Variants in KSR1 observed in about 807,000 individuals in gnomAD.
KSR1 encodes the protein kinase suppressor of ras.
Under a neutral mutation model 92.9 loss-of-function variants are expected in KSR1, and 35 were observed. That is an observed-to-expected ratio of 0.38 (90% CI 0.29 to 0.50). The LOEUF is 0.50. KSR1 is among the 20% of genes least tolerant of loss of function. The pLI is 0.94. For synonymous variants in KSR1, 467 were observed against 472.6 expected (o/e 0.99, Z 0.15); for missense variants, 972 against 1,158.5 (o/e 0.84, Z 2.34).
chr17:27,545,822 G>T (rs570684052), intron 1 of KSR1, among the ~76,000 whole-genome samples: 33 of 152,356 alleles, frequency 2.2e-4, no homozygotes, highest in African/African-American at 6.0e-4. Flanking sequence ...CAGGCAGGTT[G>T]TGGGGAGGCT....
chr17:27,512,259 G>C (rs1018625832), intron 1 of KSR1, among the ~76,000 whole-genome samples: 1 of 152,180 alleles, frequency 6.6e-6, no homozygotes, highest in African/African-American at 2.4e-5. Context: ...TTATGATTTT[G>C]GCTTGGAAAA....
At position 27,563,817 on chromosome 17, in the gene KSR1, C is replaced by T. The variant is rs1407552012; in HGVS notation, c.372+13109C>T. 2.6e-5 allele frequency among the ~76,000 whole-genome samples: 4 copies of T among 152,144 alleles called. No individual in the cohort carries two copies. In the East Asian group the frequency reaches 7.7e-4, roughly 29 times the overall value. On this transcript the variant is annotated intron_variant, in intron 2 of 20. Coordinates refer to ENST00000644974, the MANE Select transcript of KSR1 (RefSeq NM_001394583.1). ...GGCTAGTGCCATCTCATCCTCTGAC[C>T]GGGACTTAGAGGTCAGCTCTTCAGA... is the stretch of plus-strand genomic sequence containing the variant.
chr17:27,594,494 C>T (rs897378799), intron 9 of KSR1, among the ~76,000 whole-genome samples: 9 of 152,106 alleles, frequency 5.9e-5, no homozygotes. Flanking sequence ...CAGCCCTCCT[C>T]ACAGCACTCT....
At chr17:27,598,783 G>C (rs540061291) in intron 10 of KSR1, among the ~76,000 whole-genome samples, 12 of 152,128 alleles carry the variant, frequency 7.9e-5, no homozygotes, top group African/African-American at 2.7e-4. Context: ...GGCCTTCATC[G>C]TCCCCTGCAC....
At chr17:27,478,387 T>C (rs1234485074) in intron 1 of KSR1, among the ~76,000 whole-genome samples, 1 of 152,162 alleles carries the variant, frequency 6.6e-6, no homozygotes, top group East Asian at 1.9e-4. Flanking sequence ...ATCTGAGGAA[T>C]GGGGACATAC....
rs2073731668 is a variant in KSR1 at position 27,605,786 on chromosome 17, A to T, written c.1967A>T (p.Asn656Ile). 1 of 1,611,482 alleles carries T rather than the reference A, an allele frequency of 6.2e-7. No individual in the cohort carries two copies. The highest frequency in any genetic ancestry group is 1.3e-5 in the African/African-American group (1 of 74,734). ...GTGCTCTTCATGGGGGCCTGCATGA[A>T]CCCGCCCCACCTGGCCATTATCACC... ...NVVLFMGACM[N>I]PPHLAIITSF... is the part of the protein sequence containing the mutation. Residue 656 changes from asparagine (N) to isoleucine (I), a missense_variant, in exon 14 of 21, where the codon AAC (asparagine) becomes ATC (isoleucine). Asn to Ile is a moderately radical substitution (Grantham distance 149). Coordinates refer to ENST00000644974, the MANE Select transcript of KSR1 (RefSeq NM_001394583.1).
chr17:27,609,872 G>T, intron 16 of KSR1, 195 bp from the exon 17 acceptor site: 1 of 574,770 alleles, frequency 1.7e-6, no homozygotes, highest in South Asian at 2.4e-5. Context: ...AGAAACAACC[G>T]GTCATGACTC....
At chr17:27,546,095 CA>C (rs1370966227) in intron 1 of KSR1, among the ~76,000 whole-genome samples, 3 of 152,180 alleles carry the variant, frequency 2.0e-5, no homozygotes, top group Non-Finnish European at 4.4e-5. Flanking sequence ...TGTCTCTGGT[CA>C]GCCCTTTGAA....
chr17:27,484,183 C>G (rs752082165), intron 1 of KSR1, among the ~76,000 whole-genome samples: 1 of 152,174 alleles, frequency 6.6e-6, no homozygotes, highest in African/African-American at 2.4e-5. Context: ...GCCCTTCCTT[C>G]GAGGAGGGTT....
chr17:27,461,864 C>T (rs2019462637), intron 1 of KSR1, among the ~76,000 whole-genome samples: 2 of 152,230 alleles, frequency 1.3e-5, no homozygotes, highest in South Asian at 2.1e-4. Flanking sequence ...TACTCCTGCC[C>T]GCTGGGTGTG....
intron 1 of KSR1, among the ~76,000 whole-genome samples, chr17:27,495,534 A>G (rs1246572538): frequency 1.3e-5 from 2 of 152,216 alleles, no homozygotes; most frequent in Admixed American, 6.5e-5. Context: ...ATCTGCCCCA[A>G]AGGTGGAGTT....
At chr17:27,535,484 A>G (rs2070722117) in intron 1 of KSR1, among the ~76,000 whole-genome samples, 1 of 152,180 alleles carries the variant, frequency 6.6e-6, no homozygotes, top group Non-Finnish European at 1.5e-5. Flanking sequence ...GAATTGTTAA[A>G]AGGGTGTGGA....
chr17:27,524,461 G>A (rs945585537), intron 1 of KSR1, among the ~76,000 whole-genome samples: 1 of 152,184 alleles, frequency 6.6e-6, no homozygotes, highest in Non-Finnish European at 1.5e-5. Flanking sequence ...AGAAAGATTT[G>A]AATGCAGGTT....
At chr17:27,581,029 A>G (rs1251622258) in intron 3 of KSR1, among the ~76,000 whole-genome samples, 1 of 152,090 alleles carries the variant, frequency 6.6e-6, no homozygotes, top group African/African-American at 2.4e-5. Flanking sequence ...TAATTTATAT[A>G]AAAAAGAGGT....
chr17:27,610,363 T>C (rs566137057), intron 17 of KSR1, among the ~76,000 whole-genome samples, 165 bp downstream of exon 17: 1 of 152,374 alleles, frequency 6.6e-6, no homozygotes, highest in Admixed American at 6.5e-5. Context: ...TGCATGGTCT[T>C]GAGTCCTGGC....
At chr17:27,534,856 T>C (rs1453861192) in intron 1 of KSR1, among the ~76,000 whole-genome samples, 1 of 152,216 alleles carries the variant, frequency 6.6e-6, no homozygotes, top group Non-Finnish European at 1.5e-5. Context: ...TATTCCTGGG[T>C]TTCAGGTCTG....
rs561284060 is a variant in KSR1, at chr17:27,601,215, G to A, written c.1469-145G>A. 46 of 664,246 alleles carry A rather than the reference G, an allele frequency of 6.9e-5. 1 individual carries two copies. In the South Asian group the frequency reaches 8.3e-4, roughly 12 times the overall value. The allele number at this position is 664,246 out of a possible 1,614,324, so 41.1% of individuals were successfully genotyped here. A position where few individuals can be genotyped will look rare whatever the true frequency, so the allele number is the denominator to read the frequency against. On this transcript the variant is annotated intron_variant, in intron 10 of 20. Coordinates refer to ENST00000644974, the MANE Select transcript of KSR1 (RefSeq NM_001394583.1). ...CTTTTCCTCCTTCCTGCATGGTTTGGCCTGTCCTTGCCAGGTCCATCTGGG... is the reference window on the plus strand; with the variant it reads ...CTTTTCCTCCTTCCTGCATGGTTTGACCTGTCCTTGCCAGGTCCATCTGGG...
rs775330455 is a variant in KSR1 at position 27,582,694 on chromosome 17, G to A, written c.569G>A (p.Arg190Gln). 1.3e-5 allele frequency: 21 copies of A among 1,613,322 alleles called. No individual in the cohort carries two copies. The highest frequency in any genetic ancestry group is 1.6e-4 in the Middle Eastern group (1 of 6,072). Residue 190 changes from arginine to glutamine, a missense_variant, in exon 4 of 21, where the codon CGG (arginine) becomes CAG (glutamine). Coordinates refer to ENST00000644974, the MANE Select transcript of KSR1 (RefSeq NM_001394583.1). ...AGTTGGAGTTCATTGGATGCGCGGC[G>A]GGAAAGTGGCTCAGGGCCTTCCACG... ...DSSWSSLDAR[R>Q]ESGSGPSTDT...
intron 1 of KSR1, among the ~76,000 whole-genome samples, chr17:27,490,134 G>T (rs1443571469): frequency 6.6e-6 from 1 of 152,210 alleles, no homozygotes; most frequent in African/African-American, 2.4e-5. Context: ...ATCCTGGTGG[G>T]ACCTTACAGA....
Sources: gnomAD v4.1 joint callset for allele counts (sites outside exome capture counted in the v4.1 genomes callset) on GRCh38, gnomAD v4.1.1 for gene constraint, MANE v1.5 for transcripts, NCBI Gene and HGNC (gene_info 2026-07-23, HGNC 2026-07-21) for gene names.